The following CCDC33 variants were observed in gnomAD, a reference collection of about 807,000 sequenced individuals.
CCDC33 encodes coiled-coil domain-containing protein 33.
A neutral mutation model predicts 91.9 loss-of-function variants in CCDC33; 94 were observed. The observed-to-expected ratio is 1.02, with a 90% CI of 0.87 to 1.21. The LOEUF (loss-of-function observed/expected upper bound fraction) is 1.21, where lower values mean the gene tolerates loss of function less well. Among genes scored for constraint, CCDC33 ranks in the 50% most tolerant of loss-of-function variants. The pLI is 0.00. For missense variants in CCDC33, 940 were observed against 935.5 expected (o/e 1.00, Z -0.06); for synonymous variants, 396 against 374.5 (o/e 1.06, Z -0.66).
chr15:74,271,268 C>A (rs2076308187), intron 5 of CCDC33, among the ~76,000 whole-genome samples: 1 of 152,120 alleles, frequency 6.6e-6, no homozygotes, highest in African/African-American at 2.4e-5. Flanking sequence ...TCAGAGACCC[C>A]TCACAGCCCT....
At chr15:74,273,410 G>C (rs12148120) in intron 7 of CCDC33, among the ~76,000 whole-genome samples, 2 of 152,152 alleles carry the variant, frequency 1.3e-5, no homozygotes, top group Non-Finnish European at 2.9e-5. Context: ...TAACATTACC[G>C]AACTGTACAT....
At chr15:74,318,674 G>A (rs368739129) in intron 11 of CCDC33, 14 of 760,874 alleles carry the variant, frequency 1.8e-5, no homozygotes, top group Admixed American at 3.5e-5. Flanking sequence ...TCGCCCCCTC[G>A]CCCACTGGTT....
At chr15:74,263,180 A>G (rs1264678140) in intron 3 of CCDC33, among the ~76,000 whole-genome samples, 1 of 152,220 alleles carries the variant, frequency 6.6e-6, no homozygotes, top group Non-Finnish European at 1.5e-5. Context: ...GCATGTGCAC[A>G]CTTATATTTA....
intron 7 of CCDC33, 137 bp downstream of exon 7, chr15:74,273,028 G>A: frequency 8.5e-7 from 1 of 1,176,746 alleles, no homozygotes; most frequent in Non-Finnish European, 1.2e-6. Context: ...ACCCAGTGCT[G>A]TGCTCGCCTG....
Position 74,316,406 on chromosome 15 carries a change from A to G in CCDC33, c.1291-13783A>G, listed in dbSNP as rs1461832206. ...TGGGGCTTCTAATTGTGCGTTTCCCAAAGTCTACAGGCTTTTGATGAAAAA... is the reference window on the plus strand; with the variant it reads ...TGGGGCTTCTAATTGTGCGTTTCCCGAAGTCTACAGGCTTTTGATGAAAAA... On this transcript the variant is annotated intron_variant, in intron 11 of 18. Coordinates refer to ENST00000398814, the MANE Select transcript of CCDC33 (RefSeq NM_025055.5). The surrounding 1 kb of genome is among the most constrained non-coding windows in gnomAD (Gnocchi z 4.7). Among the ~76,000 whole-genome samples the G allele has an allele frequency of 6.6e-6, 1 of 152,226 alleles. No individual in the cohort carries two copies. The highest frequency in any genetic ancestry group is 1.5e-5 in the Non-Finnish European group (1 of 68,038).
chr15:74,268,220 C>A, intron 4 of CCDC33, 122 bp from the exon 5 acceptor site: 1 of 716,838 alleles, frequency 1.4e-6, no homozygotes. Context: ...CTTTAATTAT[C>A]AGCTCGGAGC....
intron 2 of CCDC33, among the ~76,000 whole-genome samples, chr15:74,222,005 C>T (rs113330859): frequency 2.6e-5 from 4 of 152,072 alleles, no homozygotes; most frequent in African/African-American, 7.2e-5. Context: ...CAGAGCACCC[C>T]GGGGTGAGGA....
intron 11 of CCDC33, among the ~76,000 whole-genome samples, chr15:74,324,553 G>A (rs1272574126): frequency 6.6e-6 from 1 of 151,850 alleles, no homozygotes; most frequent in Admixed American, 6.6e-5. Context: ...TACCTCTCTG[G>A]CAATTGCGCT....
At chr15:74,312,460 T>C (rs996827226) in intron 11 of CCDC33, among the ~76,000 whole-genome samples, 9 of 152,170 alleles carry the variant, frequency 5.9e-5, no homozygotes, top group African/African-American at 2.2e-4. Flanking sequence ...TGTCAATAAT[T>C]GTGCTACCGG....
At chr15:74,243,686 G>A in intron 1 of CCDC33, 1 of 476,894 alleles carries the variant, frequency 2.1e-6, no homozygotes, top group Non-Finnish European at 4.1e-6. Context: ...GCCAGGTGCA[G>A]TAACTCATGC....
chr15:74,239,305 C>G (rs1482849192), intron 1 of CCDC33, among the ~76,000 whole-genome samples: 1 of 152,092 alleles, frequency 6.6e-6, no homozygotes, highest in Non-Finnish European at 1.5e-5. Context: ...TTAAGCACCC[C>G]CCAACCCACC....
Position 74,268,489 on chromosome 15 carries a change from G to A in CCDC33, c.546+31G>A, listed in dbSNP as rs182070450. 223 of 1,456,732 alleles carry A rather than the reference G, an allele frequency of 1.5e-4. 4 individuals are homozygous for A. The African/African-American group carries it at 2.7e-3, about 18-fold the overall frequency. The allele number at this position is 1,456,732 out of a possible 1,614,324, so 90.2% of individuals were successfully genotyped here. ...AGGGCTGGGGCCCTCTGGGGTGGTG[G>A]TGGGGGTGGGAAAGGGCCAAGCTTT... is the stretch of plus-strand genomic sequence containing the variant. On this transcript the variant is annotated intron_variant, in intron 5 of 18. Transcript: ENST00000398814.
chr15:74,298,943 C>T (rs549657430), intron 11 of CCDC33, among the ~76,000 whole-genome samples: 138 of 152,192 alleles, frequency 9.1e-4, no homozygotes, highest in Non-Finnish European at 1.8e-3. Context: ...AAGCTCTTAA[C>T]CTTGTGATCT....
chr15:74,285,219 A>G (rs573422925), intron 10 of CCDC33, among the ~76,000 whole-genome samples: 13 of 152,270 alleles, frequency 8.5e-5, no homozygotes, highest in African/African-American at 2.9e-4. Flanking sequence ...CTCCATGTCC[A>G]GGAGTTTTGG....
chr15:74,336,447 A>T (rs1179176970), downstream of CCDC33: 7 of 1,280,438 alleles, frequency 5.5e-6, no homozygotes, highest in African/African-American at 1.5e-5. Flanking sequence ...CAAAACATCT[A>T]TCATGTCTGA....
intron 11 of CCDC33, among the ~76,000 whole-genome samples, chr15:74,298,799 G>A (rs377651207): frequency 3.0e-5 from 4 of 133,556 alleles, no homozygotes; most frequent in East Asian, 2.4e-4. Flanking sequence ...TGCAACCTCC[G>A]CCTCCCGGGT....
At chr15:74,298,355 A>G (rs1218015275) in intron 11 of CCDC33, among the ~76,000 whole-genome samples, 4 of 152,110 alleles carry the variant, frequency 2.6e-5, no homozygotes, top group Non-Finnish European at 5.9e-5. Flanking sequence ...GCCTTTAAAT[A>G]TAGAATGGAT....
intron 5 of CCDC33, among the ~76,000 whole-genome samples, chr15:74,269,711 G>GT (rs1434953811): frequency 6.6e-6 from 1 of 151,462 alleles, no homozygotes; most frequent in Non-Finnish European, 1.5e-5. Context: ...GAGCGGTAGA[G>GT]TAGGGGCCTT....
intron 1 of CCDC33, among the ~76,000 whole-genome samples, chr15:74,241,232 GA>G (rs1336232704): frequency 3.3e-5 from 5 of 152,170 alleles, no homozygotes; most frequent in Non-Finnish European, 7.4e-5. Context: ...AGAGGAAGGA[GA>G]GGGGGGCCTC....
Sources: allele counts gnomAD v4.1 joint callset (sites outside exome capture counted in the v4.1 genomes callset), GRCh38; gene constraint gnomAD v4.1.1; non-coding constraint Gnocchi (gnomAD v3.1); transcripts MANE v1.5; gene names NCBI Gene and HGNC (gene_info 2026-07-23, HGNC 2026-07-21).